TCERG1L: variants seen among roughly 807,000 people sequenced by gnomAD.
TCERG1L encodes the protein transcription elongation regulator 1-like protein.
In TCERG1L, 37 loss-of-function variants were observed where a neutral mutation model predicts 56.3. The observed-to-expected ratio is 0.66, with a 90% CI of 0.51 to 0.87. The LOEUF (loss-of-function observed/expected upper bound fraction) is 0.87, where lower values mean the gene tolerates loss of function less well. Ranked by LOEUF, TCERG1L falls within the 40% of genes least tolerant of loss-of-function variation. The probability of loss-of-function intolerance (pLI) is 0.00; values close to 1 mark genes in which losing one functional copy is unlikely to be tolerated. For missense variants in TCERG1L, 799 were observed against 774.2 expected (o/e 1.03, Z -0.38); for synonymous variants, 324 against 326.3 (o/e 0.99, Z 0.08).
At position 131,203,583 on chromosome 10, in the gene TCERG1L, C is replaced by T. The variant is rs144214437; in HGVS notation, c.857-36698G>A. On this transcript the variant is annotated intron_variant, in intron 4 of 11. Coordinates refer to ENST00000368642, the MANE Select transcript of TCERG1L (RefSeq NM_174937.4). ...CCGTTCACATTCGAAGATGGTGCGT[C>T]TCTCCCATGAGGATGAATGTGGGTC... 3.9e-4 allele frequency among the ~76,000 whole-genome samples: 59 copies of T among 152,340 alleles called. No individual in the cohort carries two copies. The East Asian group carries it at 9.7e-3, about 25-fold the overall frequency.
At chr10:131,269,759 G>C (rs1174988546) in intron 3 of TCERG1L, among the ~76,000 whole-genome samples, 2 of 152,198 alleles carry the variant, frequency 1.3e-5, no homozygotes, top group African/African-American at 2.4e-5. Flanking sequence ...ACAGAGACAT[G>C]AAGTGAGCAC....
At chr10:131,191,468 T>C (rs1162012254) in intron 4 of TCERG1L, among the ~76,000 whole-genome samples, 1 of 143,660 alleles carries the variant, frequency 7.0e-6, no homozygotes, top group Non-Finnish European at 1.5e-5. Context: ...ATCACATTAC[T>C]GGACCTCAAA....
At chr10:131,194,281 G>A (rs1296187169) in intron 4 of TCERG1L, among the ~76,000 whole-genome samples, 7 of 152,332 alleles carry the variant, frequency 4.6e-5, no homozygotes, top group African/African-American at 1.2e-4. Flanking sequence ...GCTGCCCCGA[G>A]GAACTTACAC....
At chr10:131,240,126 G>T (rs1235838899) in intron 4 of TCERG1L, among the ~76,000 whole-genome samples, 2 of 152,192 alleles carry the variant, frequency 1.3e-5, no homozygotes, top group Non-Finnish European at 2.9e-5. Flanking sequence ...GAGGACAGTG[G>T]TCCCTAGTTA....
intron 6 of TCERG1L, among the ~76,000 whole-genome samples, chr10:131,148,204 G>C (rs1369339811): frequency 6.6e-6 from 1 of 152,220 alleles, no homozygotes; most frequent in Admixed American, 6.5e-5. Context: ...TGGTCATTCA[G>C]GTGGCCCCAA....
chr10:131,174,372 C>T (rs1846124869), intron 4 of TCERG1L, among the ~76,000 whole-genome samples: 1 of 152,188 alleles, frequency 6.6e-6, no homozygotes, highest in African/African-American at 2.4e-5. Flanking sequence ...GAAGCTGGCG[C>T]AGGTCTTCCT....
At chr10:131,214,978 C>T (rs1589751196) in intron 4 of TCERG1L, among the ~76,000 whole-genome samples, 2 of 152,222 alleles carry the variant, frequency 1.3e-5, no homozygotes, top group Admixed American at 1.3e-4. Flanking sequence ...GGCCCTGTTT[C>T]TGCCCTCACT....
At chr10:131,195,296 GC>G (rs1845346936) in intron 4 of TCERG1L, among the ~76,000 whole-genome samples, 1 of 152,142 alleles carries the variant, frequency 6.6e-6, no homozygotes, top group African/African-American at 2.4e-5. Flanking sequence ...TCTTCCTTTT[GC>G]ACCTGTGCAC....
At chr10:131,130,786 C>G (rs922409347) in intron 8 of TCERG1L, among the ~76,000 whole-genome samples, 6 of 152,156 alleles carry the variant, frequency 3.9e-5, no homozygotes, top group Admixed American at 1.3e-4. Flanking sequence ...GAAACTGACT[C>G]CCCCACTGAT....
chr10:131,095,914 C>T (rs1275219631), intron 11 of TCERG1L: 2 of 152,024 alleles, frequency 1.3e-5, no homozygotes, highest in East Asian at 1.9e-4. Context: ...ATATTTTTTC[C>T]GTTGTCTTCA....
At chr10:131,240,781 C>T (rs941264517) in intron 4 of TCERG1L, among the ~76,000 whole-genome samples, 4 of 152,160 alleles carry the variant, frequency 2.6e-5, no homozygotes, top group Non-Finnish European at 5.9e-5. Flanking sequence ...AAGGAGGGGG[C>T]GCGGAGGGAC....
chr10:131,209,847 T>G (rs1239115977), intron 4 of TCERG1L, among the ~76,000 whole-genome samples: 1 of 152,216 alleles, frequency 6.6e-6, no homozygotes, highest in African/African-American at 2.4e-5. Context: ...AATATTAATT[T>G]ACAAAGATAA....
intron 6 of TCERG1L, among the ~76,000 whole-genome samples, chr10:131,159,142 C>T (rs1845952383): frequency 6.6e-6 from 1 of 152,244 alleles, no homozygotes; most frequent in Admixed American, 6.5e-5. Flanking sequence ...GGAAAAGGGG[C>T]AGTGTGCCCT....
chr10:131,185,494 C>A (rs1303309884), intron 4 of TCERG1L, among the ~76,000 whole-genome samples: 1 of 152,052 alleles, frequency 6.6e-6, no homozygotes, highest in Non-Finnish European at 1.5e-5. Flanking sequence ...CTGATAAAGG[C>A]CTGGTCTGGT....
chr10:131,194,421 G>A (rs1230233463), intron 4 of TCERG1L, among the ~76,000 whole-genome samples: 1 of 152,190 alleles, frequency 6.6e-6, no homozygotes, highest in East Asian at 1.9e-4. Context: ...TTTGGACTGT[G>A]GGTTTGTTTG....
chr10:131,246,329 AG>A (rs1321241296), intron 4 of TCERG1L, among the ~76,000 whole-genome samples: 1 of 152,148 alleles, frequency 6.6e-6, no homozygotes, highest in Non-Finnish European at 1.5e-5. Context: ...CAAGAGGCTC[AG>A]GAAGTGCTGA....
chr10:131,165,627 C>A (rs1042936486), intron 5 of TCERG1L, among the ~76,000 whole-genome samples: 1 of 152,122 alleles, frequency 6.6e-6, no homozygotes, highest in Non-Finnish European at 1.5e-5. Flanking sequence ...GGGGGACTTT[C>A]ATTATGAAGT....
chr10:131,103,762 C>A lies in TCERG1L; in HGVS notation c.1485+503G>T, dbSNP rs1168893781. On this transcript the variant is annotated intron_variant, in intron 10 of 11. Transcript: ENST00000368642. The surrounding 1 kb of genome is among the most constrained non-coding windows in gnomAD (Gnocchi z 4.3). Reference sequence around the variant, plus strand: ...TGCAAGACTGTGGTTCTTGTAGAGTCTTTTTAGTTATCAGGTATACAAGTA... The same window carrying A: ...TGCAAGACTGTGGTTCTTGTAGAGTATTTTTAGTTATCAGGTATACAAGTA... Among the ~76,000 whole-genome samples the A allele has an allele frequency of 6.6e-6, 1 of 152,134 alleles. No individual in the cohort carries two copies. The highest frequency in any genetic ancestry group is 6.5e-5 in the Admixed American group (1 of 15,278).
At chr10:131,289,405 T>C (rs1846583366) in intron 3 of TCERG1L, among the ~76,000 whole-genome samples, 1 of 152,236 alleles carries the variant, frequency 6.6e-6, no homozygotes, top group Non-Finnish European at 1.5e-5. Flanking sequence ...AGTGCCCACT[T>C]ATCCCAGCAT....
Sources: allele counts gnomAD v4.1 joint callset (sites outside exome capture counted in the v4.1 genomes callset), GRCh38; gene constraint gnomAD v4.1.1; non-coding constraint Gnocchi (gnomAD v3.1); transcripts MANE v1.5; gene names NCBI Gene and HGNC (gene_info 2026-07-23, HGNC 2026-07-21).